Variants in NPFFR1 observed in about 807,000 individuals in gnomAD.
The protein encoded by NPFFR1 is neuropeptide FF receptor 1, also known as G-protein coupled receptor 147.
NPFFR1 carries 17 observed loss-of-function variants against 12.7 expected under a neutral mutation model. The ratio of observed to expected loss-of-function variants is 1.34; its 90% CI spans 0.92 to 2.01. The LOEUF (loss-of-function observed/expected upper bound fraction) is 2.01, where lower values mean the gene tolerates loss of function less well. Ranked by LOEUF, NPFFR1 falls within the 30% of genes most tolerant of loss-of-function variation. NPFFR1 has a pLI of 0.00. For missense variants in NPFFR1, 604 were observed against 606.5 expected (o/e 1.00, Z 0.04); for synonymous variants, 296 against 264.5 (o/e 1.12, Z -1.16).
chr10:70,273,132 C>T (rs1840767018), intron 1 of NPFFR1, among the ~76,000 whole-genome samples: 3 of 152,116 alleles, frequency 2.0e-5, no homozygotes, highest in Admixed American at 2.0e-4. Context: ...TCAAAATCAC[C>T]TGGCTTTTAA....
chr10:70,260,940 AT>A (rs1380118018), intron 2 of NPFFR1, among the ~76,000 whole-genome samples: 2 of 152,122 alleles, frequency 1.3e-5, no homozygotes, highest in Non-Finnish European at 2.9e-5. Flanking sequence ...CACTACAGTC[AT>A]CCCCTCGTTT....
chr10:70,256,797 C>T (rs1472252837), intron 3 of NPFFR1, among the ~76,000 whole-genome samples: 1 of 152,214 alleles, frequency 6.6e-6, no homozygotes, highest in Non-Finnish European at 1.5e-5. Context: ...CCAGATTTGT[C>T]TTGCTTCATA....
chr10:70,249,910 T>G lies in NPFFR1; in HGVS notation c.*5047A>C, dbSNP rs1840492838. ...GAAATTTTCTTTTCTTCTTTCTTTC[T>G]TTCTTTTTTTTTTTTTTTTTGAGAC... On this transcript the variant is annotated 3_prime_UTR_variant, in exon 4 of 4. Transcript: ENST00000277942. The G allele has an allele frequency of 7.2e-6, 1 of 138,634 alleles. No homozygotes were observed. Among genetic ancestry groups the G allele is most frequent in the Non-Finnish European group, 1.5e-5 (1 of 65,464 alleles). 8.6% of individuals were successfully genotyped at this position (138,634 alleles called of 1,614,324 possible).
intron 2 of NPFFR1, among the ~76,000 whole-genome samples, chr10:70,261,734 C>A (rs1840638013): frequency 6.6e-6 from 1 of 152,190 alleles, no homozygotes; most frequent in South Asian, 2.1e-4. Flanking sequence ...AGGCCAGTTA[C>A]AATCAGAATC....
At chr10:70,281,021 A>G (rs1237775594) in intron 1 of NPFFR1, among the ~76,000 whole-genome samples, 2 of 152,180 alleles carry the variant, frequency 1.3e-5, no homozygotes, top group Non-Finnish European at 2.9e-5. Flanking sequence ...CAACAACAAC[A>G]ACAAAGAATT....
At position 70,255,325 on chromosome 10, in the gene NPFFR1, A is replaced by C. The variant is rs763477734; in HGVS notation, c.925T>G (p.Tyr309Asp). The C allele has an allele frequency of 1.1e-5, 17 of 1,580,522 alleles. No homozygotes were observed. The highest frequency in any genetic ancestry group is 1.4e-5 in the Non-Finnish European group (16 of 1,167,270). The part of the protein sequence containing the change: ...SAPQLHLVTV[Y>D]AFPFAHWLAF... ...AGCCAGTGCGCGAAGGGGAAGGCGT[A>C]GACGGTGACCAGGTGCAGCTGCGGC... Residue 309 changes from tyrosine to aspartate, a missense_variant, in exon 4 of 4, where the codon TAC becomes GAC. By Grantham distance (160) the Tyr-to-Asp change is radical (BLOSUM62 -3). Coordinates refer to ENST00000277942, the MANE Select transcript of NPFFR1 (RefSeq NM_022146.5). This position sits in a 1 kb window ranked among gnomAD's most constrained non-coding sequence, Gnocchi z 4.2.
At position 70,255,872 on chromosome 10, in the gene NPFFR1, G is replaced by C. The variant is rs1344669997; in HGVS notation, c.423-45C>G. ...AGGCGGGATCTGGGTGGGTCCTAGGGCCCCTGCGAGGGGACGGTGGGTGGG... is the reference window on the plus strand; with the variant it reads ...AGGCGGGATCTGGGTGGGTCCTAGGCCCCCTGCGAGGGGACGGTGGGTGGG... On this transcript the variant is annotated intron_variant, in intron 3 of 3. Coordinates refer to ENST00000277942, the MANE Select transcript of NPFFR1 (RefSeq NM_022146.5). This position sits in a 1 kb window ranked among gnomAD's most constrained non-coding sequence, Gnocchi z 4.2. The C allele has an allele frequency of 1.3e-6, 2 of 1,547,718 alleles. No individual in the cohort carries two copies. Among genetic ancestry groups the C allele is most frequent in the Non-Finnish European group, 1.7e-6 (2 of 1,144,372 alleles).
intron 2 of NPFFR1, among the ~76,000 whole-genome samples, chr10:70,263,589 C>G (rs1840657222): frequency 6.6e-6 from 1 of 152,094 alleles, no homozygotes; most frequent in Admixed American, 6.6e-5. Flanking sequence ...AGCACATTTT[C>G]TGAGAATGCA....
At chr10:70,265,799 C>T (rs372875999) in intron 2 of NPFFR1, among the ~76,000 whole-genome samples, 1 of 152,292 alleles carries the variant, frequency 6.6e-6, no homozygotes, top group South Asian at 2.1e-4. Context: ...TGGGGAGGAC[C>T]ATAAACTCTA....
At chr10:70,274,917 A>G (rs914649318) in intron 1 of NPFFR1, among the ~76,000 whole-genome samples, 1 of 152,196 alleles carries the variant, frequency 6.6e-6, no homozygotes, top group African/African-American at 2.4e-5. Context: ...ACTGCTTAGG[A>G]AAGTAAAAAG....
chr10:70,263,246 A>C (rs1304198234), intron 2 of NPFFR1, among the ~76,000 whole-genome samples: 2 of 152,192 alleles, frequency 1.3e-5, no homozygotes, highest in East Asian at 3.8e-4. Flanking sequence ...ATGTATGTTA[A>C]ATTATATATT....
chr10:70,277,309 C>A (rs1317750986), intron 1 of NPFFR1, among the ~76,000 whole-genome samples: 1 of 152,226 alleles, frequency 6.6e-6, no homozygotes, highest in African/African-American at 2.4e-5. Flanking sequence ...TTTGTGCAGA[C>A]CTGCTGCAGT....
Position 70,255,069 on chromosome 10 carries a change from GGGGCCCCACTGCTA to G in NPFFR1, c.1167_1180del (p.Ser390GlnfsTer60). 6.9e-7 allele frequency: 1 copy of G among 1,441,978 alleles called. No individual in the cohort carries two copies. The highest frequency in any genetic ancestry group is 9.1e-7 in the Non-Finnish European group (1 of 1,104,684). 89.3% of individuals were successfully genotyped at this position (1,441,978 alleles called of 1,614,324 possible). A position where few individuals can be genotyped will look rare whatever the true frequency, so the allele number is the denominator to read the frequency against. ...CCGCAGCGGGAGGCGGCCGGGCCTG[GGGGCCCCACTGCTA>G]GGGCCCGACTCAGAGGGCAGCCCGG... On this transcript the variant is annotated frameshift_variant, in exon 4 of 4. Transcript: ENST00000277942. LOFTEE classifies it low-confidence loss of function (END_TRUNC). This position sits in a 1 kb window ranked among gnomAD's most constrained non-coding sequence, Gnocchi z 4.2.
intron 1 of NPFFR1, among the ~76,000 whole-genome samples, chr10:70,277,444 A>T (rs1840815543): frequency 1.3e-5 from 2 of 152,158 alleles, no homozygotes; most frequent in Non-Finnish European, 2.9e-5. Flanking sequence ...TGCTTTGTGG[A>T]AAAGGACAGG....
intron 3 of NPFFR1, among the ~76,000 whole-genome samples, chr10:70,256,415 G>A (rs915816392): frequency 3.3e-5 from 5 of 152,212 alleles, no homozygotes; most frequent in African/African-American, 7.2e-5. Context: ...CTGATTAGCT[G>A]GCAGCTAGCA....
intron 2 of NPFFR1, among the ~76,000 whole-genome samples, chr10:70,264,811 G>A (rs1284475963): frequency 6.6e-6 from 1 of 152,188 alleles, no homozygotes; most frequent in Non-Finnish European, 1.5e-5. Flanking sequence ...GAGAATTTTG[G>A]TAGTTTTTGA....
At chr10:70,260,849 C>A in intron 2 of NPFFR1, 110 bp from the exon 3 acceptor site, 1 of 893,332 alleles carries the variant, frequency 1.1e-6, no homozygotes, top group African/African-American at 1.7e-5. Flanking sequence ...TCCTCCATGA[C>A]CTGCTAGGTG....
At position 70,254,471 on chromosome 10, in the gene NPFFR1, G is replaced by A; in HGVS notation, c.*486C>T. ...ACACAAAGCATCAAGGGACAGGCCG[G>A]CTTTGCTTTTCGCTTCTTCCTAGCT... On this transcript the variant is annotated 3_prime_UTR_variant, in exon 4 of 4. Transcript: ENST00000277942. The A allele has an allele frequency of 6.5e-6, 1 of 154,304 alleles. No individual in the cohort carries two copies. The highest frequency in any genetic ancestry group is 1.4e-5 in the Non-Finnish European group (1 of 69,474). The allele number at this position is 154,304 out of a possible 1,614,324, so 9.6% of individuals were successfully genotyped here.
Position 70,254,206 on chromosome 10 carries a change from C to T in NPFFR1, c.*751G>A, listed in dbSNP as rs1399776963. 6.6e-6 allele frequency: 1 copy of T among 152,242 alleles called. No individual in the cohort carries two copies. Among genetic ancestry groups the T allele is most frequent in the African/African-American group, 2.4e-5 (1 of 41,456 alleles). 9.4% of individuals were successfully genotyped at this position (152,242 alleles called of 1,614,324 possible). A position where few individuals can be genotyped will look rare whatever the true frequency, so the allele number is the denominator to read the frequency against. On this transcript the variant is annotated 3_prime_UTR_variant, in exon 4 of 4. Coordinates refer to ENST00000277942, the MANE Select transcript of NPFFR1 (RefSeq NM_022146.5). Reference sequence around the variant, plus strand: ...TCTTGCCTTGGTCTGGGAGTCCCTCCTCTGTTCTCTAAGCTCAGACCCAGA... The same window carrying T: ...TCTTGCCTTGGTCTGGGAGTCCCTCTTCTGTTCTCTAAGCTCAGACCCAGA...
Sources: allele counts gnomAD v4.1 joint callset (sites outside exome capture counted in the v4.1 genomes callset), GRCh38; gene constraint gnomAD v4.1.1; non-coding constraint Gnocchi (gnomAD v3.1); transcripts MANE v1.5; gene names NCBI Gene and HGNC (gene_info 2026-07-23, HGNC 2026-07-21).